DLG2: variants seen among roughly 807,000 people sequenced by gnomAD.
DLG2 encodes the protein discs large MAGUK scaffold protein 2.
Under a neutral mutation model 132.5 loss-of-function variants are expected in DLG2, and 45 were observed. That is an observed-to-expected ratio of 0.34 (90% confidence interval 0.27 to 0.44). DLG2 has a LOEUF of 0.44. DLG2 is among the 20% of genes least tolerant of loss of function. DLG2 has a pLI of 1.00. For missense variants in DLG2, 1,045 were observed against 1,196.9 expected (o/e 0.87, Z 1.87); for synonymous variants, 424 against 419.6 (o/e 1.01, Z -0.13).
chr11:84,458,244 CAA>C (rs2099070688), intron 7 of DLG2, among the ~76,000 whole-genome samples: 1 of 150,794 alleles, frequency 6.6e-6, no homozygotes, highest in African/African-American at 2.4e-5. Flanking sequence ...AATAAGTATA[CAA>C]AATGCTGATT....
chr11:83,484,357 G>A (rs1458557835), intron 21 of DLG2, 129 bp from the exon 22 acceptor site: 4 of 652,824 alleles, frequency 6.1e-6, no homozygotes, highest in Non-Finnish European at 1.1e-5. Flanking sequence ...TTCTAAAGTG[G>A]TGCCAGAGAG....
chr11:84,389,902 A>G (rs2098786057), intron 7 of DLG2, among the ~76,000 whole-genome samples: 1 of 152,168 alleles, frequency 6.6e-6, no homozygotes, highest in South Asian at 2.1e-4. Flanking sequence ...TATGCAAATA[A>G]TTATCTCTTG....
At chr11:83,484,078 AT>A (rs770669958) in intron 22 of DLG2, 50 bp downstream of exon 22, 12 of 1,501,784 alleles carry the variant, frequency 8.0e-6, no homozygotes, top group African/African-American at 2.8e-5. Flanking sequence ...TTGCCTGTGA[AT>A]TTTTTTTCTC....
chr11:84,129,832 G>A (rs975501651), intron 9 of DLG2, among the ~76,000 whole-genome samples: 11 of 151,802 alleles, frequency 7.2e-5, no homozygotes, highest in Non-Finnish European at 1.3e-4. Flanking sequence ...TTATGAAAGT[G>A]AGTGAACTAT....
At chr11:85,324,744 G>GA (rs2081321881) in intron 3 of DLG2, among the ~76,000 whole-genome samples, 1 of 145,544 alleles carries the variant, frequency 6.9e-6, no homozygotes, top group East Asian at 2.0e-4. Context: ...GCTTAAAGAA[G>GA]AAAAAGAAGT....
At chr11:84,997,791 T>A (rs901212287) in intron 6 of DLG2, 27 of 152,212 alleles carry the variant, frequency 1.8e-4, no homozygotes, top group Admixed American at 6.6e-4. Context: ...AGAGAGCACC[T>A]TCTGTGTGCC....
At chr11:85,332,722 C>A (rs1168460571) in intron 3 of DLG2, among the ~76,000 whole-genome samples, 1 of 152,068 alleles carries the variant, frequency 6.6e-6, no homozygotes, top group Non-Finnish European at 1.5e-5. Context: ...AGTACTTTCC[C>A]CATTGTTATT....
At chr11:84,622,155 T>C (rs1431553491) in intron 6 of DLG2, among the ~76,000 whole-genome samples, 1 of 152,188 alleles carries the variant, frequency 6.6e-6, no homozygotes, top group Non-Finnish European at 1.5e-5. Context: ...AAAAGCAATC[T>C]TTGGGAAACC....
chr11:85,273,563 T>A (rs2077684714), intron 4 of DLG2, among the ~76,000 whole-genome samples: 1 of 152,172 alleles, frequency 6.6e-6, no homozygotes, highest in Non-Finnish European at 1.5e-5. Flanking sequence ...AGATACCATC[T>A]CACACCAGTT....
chr11:84,881,345 C>T (rs1486725238), intron 6 of DLG2, among the ~76,000 whole-genome samples: 1 of 152,132 alleles, frequency 6.6e-6, no homozygotes. Flanking sequence ...TCATGAATTT[C>T]TCTTTGCCAA....
chr11:84,604,459 T>C (rs1286068906), intron 6 of DLG2, among the ~76,000 whole-genome samples: 1 of 151,920 alleles, frequency 6.6e-6, no homozygotes, highest in Non-Finnish European at 1.5e-5. Flanking sequence ...AATTAAGGTA[T>C]TTAAACTTTA....
intron 16 of DLG2, among the ~76,000 whole-genome samples, chr11:83,853,345 A>G (rs2060060507): frequency 6.6e-6 from 1 of 152,132 alleles, no homozygotes; most frequent in South Asian, 2.1e-4. Flanking sequence ...CTAGGATTCT[A>G]TTGCACCAAA....
chr11:85,595,770 T>C (rs2079710428), intron 3 of DLG2, among the ~76,000 whole-genome samples: 1 of 152,252 alleles, frequency 6.6e-6, no homozygotes, highest in Non-Finnish European at 1.5e-5. Flanking sequence ...GAATTTTATA[T>C]GATTTTACTT....
intron 6 of DLG2, among the ~76,000 whole-genome samples, chr11:84,788,439 A>G (rs1326019440): frequency 3.9e-5 from 6 of 152,084 alleles, no homozygotes; most frequent in Admixed American, 2.0e-4. Context: ...AATAATATCA[A>G]TCAGGGTAAT....
At chr11:85,016,030 G>A (rs1180725965) in intron 6 of DLG2, among the ~76,000 whole-genome samples, 1 of 151,818 alleles carries the variant, frequency 6.6e-6, no homozygotes, top group African/African-American at 2.4e-5. Flanking sequence ...ATTTTCAAAA[G>A]TTTAAAAACG....
At chr11:83,718,558 A>G (rs541147149) in intron 18 of DLG2, among the ~76,000 whole-genome samples, 5 of 151,616 alleles carry the variant, frequency 3.3e-5, no homozygotes, top group African/African-American at 4.8e-5. Flanking sequence ...AAAAGAAAGA[A>G]AAAAAGAAAT....
chr11:85,077,605 G>A (rs957742012), intron 6 of DLG2, among the ~76,000 whole-genome samples: 1 of 151,464 alleles, frequency 6.6e-6, no homozygotes, highest in Non-Finnish European at 1.5e-5. Context: ...CAAATCTATA[G>A]GTTAAAAATA....
intron 3 of DLG2, among the ~76,000 whole-genome samples, chr11:85,412,441 G>A (rs61012876): frequency 0.054 from 8,222 of 151,354 alleles, 331 homozygotes; most frequent in African/African-American, 0.096. Context: ...CTTTAGTCGC[G>A]ATTTGTGAGA....
intron 6 of DLG2, among the ~76,000 whole-genome samples, chr11:84,631,033 C>A (rs1362909262): frequency 1.4e-5 from 2 of 147,646 alleles, no homozygotes; most frequent in African/African-American, 2.6e-5. Context: ...CACACACACA[C>A]ACACACACAC....
Sources: gnomAD v4.1 joint callset for allele counts (sites outside exome capture counted in the v4.1 genomes callset) on GRCh38, gnomAD v4.1.1 for gene constraint, MANE v1.5 for transcripts, NCBI Gene and HGNC (gene_info 2026-07-23, HGNC 2026-07-21) for gene names.